PCDHGB4: variants seen among roughly 807,000 people sequenced by gnomAD.
PCDHGB4 encodes the protein protocadherin gamma-B4.
A neutral mutation model predicts 60.5 loss-of-function variants in PCDHGB4; 38 were observed. That is an observed-to-expected ratio of 0.63 (90% CI 0.48 to 0.82). The LOEUF is 0.82. Ranked by LOEUF, PCDHGB4 falls within the 40% of genes least tolerant of loss-of-function variation. The pLI, the probability that PCDHGB4 is intolerant of heterozygous loss-of-function variation, is 0.00. For synonymous variants in PCDHGB4, 456 were observed against 509.7 expected (o/e 0.89, Z 1.42); for missense variants, 1,109 against 1,209.6 (o/e 0.92, Z 1.23).
rs373446844 is a variant in PCDHGB4, at chr5:141,486,661, G to A, written c.2398-8146G>A. The A allele has an allele frequency of 3.1e-6, 5 of 1,613,836 alleles. No individual in the cohort carries two copies. In the African/African-American group the frequency reaches 4.0e-5, roughly 13 times the overall value. On this transcript the variant is annotated intron_variant, in intron 1 of 3. Transcript: ENST00000519479. The surrounding 1 kb of genome is among the most constrained non-coding windows in gnomAD (Gnocchi z 5.0). The stretch of plus-strand genomic sequence containing the variant: ...CGCTTATCTCCTACTCACTCCTGGA[G>A]CCCAGGAATCGAGATGTATCAGCTT...
intron 1 of PCDHGB4, chr5:141,422,371 C>A: frequency 6.4e-7 from 1 of 1,567,208 alleles, no homozygotes; most frequent in South Asian, 1.2e-5. Context: ...AGAAAATGGT[C>A]AAGTCTCCTG....
Position 141,431,756 on chromosome 5 carries a change from G to T in PCDHGB4, c.2397+41475G>T. The T allele has an allele frequency of 6.2e-7, 1 of 1,614,236 alleles. No individual in the cohort carries two copies. Among genetic ancestry groups the T allele is most frequent in the South Asian group, 1.1e-5 (1 of 91,088 alleles). On this transcript the variant is annotated intron_variant, in intron 1 of 3. Transcript: ENST00000519479. This position sits in a 1 kb window ranked among gnomAD's most constrained non-coding sequence, Gnocchi z 4.8. Reference sequence around the variant, plus strand: ...TGCAGGATATTCTGCGCGAGCCAAAGTCCTGATCACTGTTCTGGACGTGAA... The same window carrying T: ...TGCAGGATATTCTGCGCGAGCCAAATTCCTGATCACTGTTCTGGACGTGAA...
rs763239421 is a variant in PCDHGB4, at chr5:141,477,265, G to C, written c.2398-17542G>C. 1 of 1,614,198 alleles carries C rather than the reference G, an allele frequency of 6.2e-7. No homozygotes were observed. Among genetic ancestry groups the C allele is most frequent in the Admixed American group, 1.7e-5 (1 of 60,020 alleles). On this transcript the variant is annotated intron_variant, in intron 1 of 3. Coordinates refer to ENST00000519479, the MANE Select transcript of PCDHGB4 (RefSeq NM_003736.4). The surrounding 1 kb of genome is among the most constrained non-coding windows in gnomAD (Gnocchi z 4.9). ...GTGTGACTGACCTGGATGCTGGCGA[G>C]AACGGGCTGGTGACCTGCGAAGTTC...
At chr5:141,437,345 A>T (rs1018513998) in intron 1 of PCDHGB4, among the ~76,000 whole-genome samples, 2 of 152,252 alleles carry the variant, frequency 1.3e-5, no homozygotes, top group Non-Finnish European at 2.9e-5. Context: ...TCACTGTTTT[A>T]TAGTACCTAA....
At chr5:141,428,070 T>G (rs756684090) in intron 1 of PCDHGB4, 7 of 1,609,106 alleles carry the variant, frequency 4.4e-6, no homozygotes, top group Non-Finnish European at 5.1e-6. Context: ...GGACGCAGAT[T>G]CGGGACACAA....
At chr5:141,420,029 G>T (rs1382842280) in intron 1 of PCDHGB4, 2 of 1,614,082 alleles carry the variant, frequency 1.2e-6, no homozygotes, top group Non-Finnish European at 1.7e-6. Flanking sequence ...CCCTACTGCA[G>T]GAGACTGCTT....
chr5:141,427,491 G>A (rs1158414276), intron 1 of PCDHGB4: 1 of 553,626 alleles, frequency 1.8e-6, no homozygotes, highest in Non-Finnish European at 3.4e-6. Context: ...CTATAAGCTT[G>A]TAACAGATGG....
chr5:141,443,093 C>G (rs1316602934), intron 1 of PCDHGB4, among the ~76,000 whole-genome samples: 2 of 151,940 alleles, frequency 1.3e-5, no homozygotes, highest in African/African-American at 4.8e-5. Flanking sequence ...CAGTCTCCTT[C>G]TCAAGCTGAA....
Position 141,489,826 on chromosome 5 carries a change from C to G in PCDHGB4, c.2398-4981C>G. On this transcript the variant is annotated intron_variant, in intron 1 of 3. Transcript: ENST00000519479. This position sits in a 1 kb window ranked among gnomAD's most constrained non-coding sequence, Gnocchi z 4.5. The stretch of plus-strand genomic sequence containing the variant: ...TGGGAAGCCATTCCCAGAGCTGGTG[C>G]TAGAGCAGCAGCTGGATCGTGAAGC... 1 of 1,614,186 alleles carries G rather than the reference C, an allele frequency of 6.2e-7. No homozygotes were observed. The highest frequency in any genetic ancestry group is 8.5e-7 in the Non-Finnish European group (1 of 1,179,988).
Position 141,389,665 on chromosome 5 carries a change from C to A in PCDHGB4, c.1781C>A (p.Ala594Glu), listed in dbSNP as rs1258802999. The A allele has an allele frequency of 6.2e-7, 1 of 1,612,414 alleles. No homozygotes were observed. Among genetic ancestry groups the A allele is most frequent in the East Asian group, 2.2e-5 (1 of 44,866 alleles). ...YLVTKVVAVD[A>E]DSGHNAWLSY... is the part of the protein sequence containing the mutation. ...GTGACCAAGGTAGTGGCGGTGGACG[C>A]AGACTCAGGACACAACGCCTGGCTG... The change falls in exon 1 of 4, where the codon GCA (alanine) becomes GAA (glutamate). Residue 594 changes from alanine to glutamate, a missense_variant. Ala to Glu is a moderately radical substitution (Grantham distance 107). Around this residue, in one of 2 missense-constraint regions of PCDHGB4, gnomAD observed 1,068 missense variants for 1,089.9 expected, o/e 0.98. Coordinates refer to ENST00000519479, the MANE Select transcript of PCDHGB4 (RefSeq NM_003736.4).
At chr5:141,413,661 T>G (rs2095664313) in intron 1 of PCDHGB4, 1 of 1,613,886 alleles carries the variant, frequency 6.2e-7, no homozygotes. Flanking sequence ...CGGAAGCTAT[T>G]GATCCGGATG....
At chr5:141,435,821 T>C (rs571444304) in intron 1 of PCDHGB4, among the ~76,000 whole-genome samples, 72 of 152,240 alleles carry the variant, frequency 4.7e-4, no homozygotes, top group African/African-American at 1.6e-3. Context: ...CTTTCTTCTT[T>C]GTTTGCTGCC....
rs1430260899 is a variant in PCDHGB4, at chr5:141,415,763, T to G, written c.2397+25482T>G. On this transcript the variant is annotated intron_variant, in intron 1 of 3. Transcript: ENST00000519479. ...AGGTTTTTTTTTTTTTTTTTTTTTT[T>G]TTTTTTTTTACTTTCTGGTAAAATT... is the stretch of plus-strand genomic sequence containing the variant. The G allele has an allele frequency of 1.1e-5, 15 of 1,398,354 alleles. No homozygotes were observed. The African/African-American group carries it at 2.1e-4, about 19-fold the overall frequency. 86.6% of individuals were successfully genotyped at this position (1,398,354 alleles called of 1,614,324 possible). A position where few individuals can be genotyped will look rare whatever the true frequency, so the allele number is the denominator to read the frequency against.
At chr5:141,391,868 A>T (rs1269292273) in intron 1 of PCDHGB4, 1 of 152,190 alleles carries the variant, frequency 6.6e-6, no homozygotes, top group Non-Finnish European at 1.5e-5. Context: ...AAATTTAATC[A>T]TCTCTTTGGT....
At chr5:141,423,387 G>T (rs373190092) in intron 1 of PCDHGB4, 1 of 1,614,162 alleles carries the variant, frequency 6.2e-7, no homozygotes, top group Non-Finnish European at 8.5e-7. Context: ...TGTGGCGCTG[G>T]CATAAGTCAC....
chr5:141,415,966 C>G, intron 1 of PCDHGB4: 1 of 405,604 alleles, frequency 2.5e-6, no homozygotes, highest in Non-Finnish European at 4.0e-6. Flanking sequence ...AAACTCCAGC[C>G]CCTTAAGCAA....
At chr5:141,484,921 T>A in intron 1 of PCDHGB4, 1 of 478,304 alleles carries the variant, frequency 2.1e-6, no homozygotes, top group South Asian at 2.8e-5. Flanking sequence ...TTAACCCTGC[T>A]GCTGTTGGGA....
intron 1 of PCDHGB4, among the ~76,000 whole-genome samples, chr5:141,484,023 G>A (rs67828357): frequency 0.059 from 8,857 of 150,044 alleles, 313 homozygotes; most frequent in South Asian, 0.11. Context: ...GGTGGGGTGA[G>A]ATCAAGTCTC....
chr5:141,397,609 G>A (rs2093544805), intron 1 of PCDHGB4, among the ~76,000 whole-genome samples: 1 of 152,186 alleles, frequency 6.6e-6, no homozygotes. Flanking sequence ...AGTGACAAGG[G>A]CAATACTTAG....
Sources: allele counts gnomAD v4.1 joint callset (sites outside exome capture counted in the v4.1 genomes callset), GRCh38; gene constraint gnomAD v4.1.1; regional missense constraint gnomAD v4.1.1; non-coding constraint Gnocchi (gnomAD v3.1); transcripts MANE v1.5; gene names NCBI Gene and HGNC (gene_info 2026-07-23, HGNC 2026-07-21).